LIPA: variants seen among roughly 807,000 people sequenced by gnomAD.
LIPA encodes the protein lipase A, lysosomal acid type.
In LIPA, 26 loss-of-function variants were observed where a neutral mutation model predicts 40.6. The observed-to-expected ratio is 0.64, with a 90% CI of 0.47 to 0.89. The LOEUF (loss-of-function observed/expected upper bound fraction) is 0.89, where lower values mean the gene tolerates loss of function less well. Among genes scored for constraint, LIPA ranks in the 40% least tolerant of loss-of-function variants. LIPA has a pLI of 0.00. For missense variants in LIPA, 455 were observed against 479.6 expected, an observed-to-expected ratio of 0.95 and a Z score of 0.48; for synonymous variants, 188 against 168.4, an observed-to-expected ratio of 1.12 and a Z score of -0.90.
intron 2 of LIPA, among the ~76,000 whole-genome samples, chr10:89,354,098 G>T (rs1178111254): frequency 6.6e-6 from 1 of 152,158 alleles, no homozygotes; most frequent in Non-Finnish European, 1.5e-5. Context: ...AAGGAGGCAA[G>T]AATTAAGGTT....
At chr10:89,389,202 G>A (rs1452658185) in intron 2 of LIPA, among the ~76,000 whole-genome samples, 1 of 152,104 alleles carries the variant, frequency 6.6e-6, no homozygotes, top group Non-Finnish European at 1.5e-5. Context: ...GAAATATCTA[G>A]AAACCTGACT....
upstream of LIPA, among the ~76,000 whole-genome samples, chr10:89,344,049 T>A (rs1843895415): frequency 6.6e-6 from 1 of 152,140 alleles, no homozygotes; most frequent in Admixed American, 6.5e-5. Context: ...TCACCTAACC[T>A]CTGTGACCCT....
intron 1 of LIPA, among the ~76,000 whole-genome samples, chr10:89,260,602 G>A (rs905439772): frequency 3.9e-5 from 6 of 152,188 alleles, no homozygotes; most frequent in Admixed American, 2.0e-4. Flanking sequence ...ACTTGGAGGT[G>A]CCGACACATT....
At chr10:89,252,209 C>A (rs994674450), upstream of LIPA, among the ~76,000 whole-genome samples, 1 of 152,128 alleles carries the variant, frequency 6.6e-6, no homozygotes, top group Non-Finnish European at 1.5e-5. Flanking sequence ...TATCATTGTG[C>A]CTGATGCAAA....
intron 1 of LIPA, among the ~76,000 whole-genome samples, chr10:89,330,260 C>A (rs953746202): frequency 2.0e-5 from 3 of 152,154 alleles, no homozygotes; most frequent in African/African-American, 7.2e-5. Flanking sequence ...GCTATTATTT[C>A]TATTATTAGC....
upstream of LIPA, among the ~76,000 whole-genome samples, chr10:89,253,059 A>G (rs1843153244): frequency 6.6e-6 from 1 of 152,162 alleles, no homozygotes; most frequent in Non-Finnish European, 1.5e-5. Context: ...TAGAACATGA[A>G]GTCCTAGAAG....
Position 89,403,534 on chromosome 10 carries a change from A to G in LIPA, c.61+9257T>C, listed in dbSNP as rs147620337. Reference sequence around the variant, plus strand: ...TCATTAACAAGGGATAAAAGTATCAATTCTTTGAAGAAATTGGTTTTAAGG... The same window carrying G: ...TCATTAACAAGGGATAAAAGTATCAGTTCTTTGAAGAAATTGGTTTTAAGG... On this transcript the variant is annotated intron_variant, in intron 2 of 8. Coordinates refer to the LIPA transcript ENST00000371837. 4.0e-5 allele frequency: 65 copies of G among 1,614,038 alleles called. No homozygotes were observed. In the East Asian group the frequency reaches 1.4e-3, roughly 35 times the overall value.
chr10:89,391,712 TAG>T (rs1289680497), intron 2 of LIPA, among the ~76,000 whole-genome samples: 4 of 151,938 alleles, frequency 2.6e-5, no homozygotes, highest in Non-Finnish European at 5.9e-5. Context: ...TGTATTTTAG[TAG>T]AGAGGGGGTT....
intron 2 of LIPA, among the ~76,000 whole-genome samples, chr10:89,350,933 A>G (rs1168833934): frequency 6.6e-6 from 1 of 151,784 alleles, no homozygotes; most frequent in Non-Finnish European, 1.5e-5. Flanking sequence ...CTTACATACA[A>G]CTGAGTTTTT....
chr10:89,265,045 G>C (rs1843228046), intron 1 of LIPA, among the ~76,000 whole-genome samples: 1 of 152,192 alleles, frequency 6.6e-6, no homozygotes, highest in South Asian at 2.1e-4. Context: ...CAGGGGGCTG[G>C]CATGTTGGTG....
intron 4 of LIPA, among the ~76,000 whole-genome samples, chr10:89,227,425 G>A (rs774990016): frequency 1.3e-4 from 20 of 152,164 alleles, no homozygotes; most frequent in African/African-American, 3.1e-4. Context: ...TACAAATAGC[G>A]TGACAATAAA....
intron 2 of LIPA, among the ~76,000 whole-genome samples, chr10:89,369,253 G>C (rs148401750): frequency 1.3e-5 from 2 of 152,178 alleles, no homozygotes; most frequent in Non-Finnish European, 2.9e-5. Context: ...TGGGGCCCCA[G>C]AATGTCTCTT....
At chr10:89,408,443 C>A (rs185289618) in intron 2 of LIPA, among the ~76,000 whole-genome samples, 1 of 152,320 alleles carries the variant, frequency 6.6e-6, no homozygotes, top group East Asian at 1.9e-4. Context: ...ATATCCTAGC[C>A]TTCCTATAGC....
intron 1 of LIPA, among the ~76,000 whole-genome samples, chr10:89,294,553 T>A (rs1481573204): frequency 6.6e-6 from 1 of 152,082 alleles, no homozygotes; most frequent in African/African-American, 2.4e-5. Context: ...CCCAAATACC[T>A]CCCATTAGGT....
intron 2 of LIPA, among the ~76,000 whole-genome samples, chr10:89,353,521 G>A (rs1392507624): frequency 6.6e-6 from 1 of 151,988 alleles, no homozygotes; most frequent in African/African-American, 2.4e-5. Context: ...CAAGTCAAAG[G>A]TTAAATGAAA....
In LIPA at chr10:89,214,654, G is replaced by T; in HGVS notation, c.*174C>A. ...GCCCTAATTAAAGAAAAAATAGCTA[G>T]TATGTTTCTAATTGAAACTAGAGTG... On this transcript the variant is annotated 3_prime_UTR_variant, in exon 10 of 10. Transcript: ENST00000336233. The T allele has an allele frequency of 1.7e-6, 1 of 590,974 alleles. No individual in the cohort carries two copies. The highest frequency in any genetic ancestry group is 3.0e-6 in the Non-Finnish European group (1 of 334,614). The allele number at this position is 590,974 out of a possible 1,614,324, so 36.6% of individuals were successfully genotyped here.
At chr10:89,324,098 T>A (rs571578119) in intron 1 of LIPA, among the ~76,000 whole-genome samples, 1 of 151,960 alleles carries the variant, frequency 6.6e-6, no homozygotes, top group South Asian at 2.1e-4. Context: ...TAGAACAGAA[T>A]AGAGAGCCCA....
chr10:89,393,492 G>A (rs1844288923), intron 2 of LIPA, among the ~76,000 whole-genome samples: 1 of 152,176 alleles, frequency 6.6e-6, no homozygotes, highest in Non-Finnish European at 1.5e-5. Context: ...CAGCACTTTG[G>A]GAGGCCAAGG....
intron 2 of LIPA, chr10:89,393,014 C>A: frequency 1.3e-6 from 1 of 779,386 alleles, no homozygotes; most frequent in Non-Finnish European, 1.9e-6. Context: ...AAAATGATCC[C>A]AATCTGAGAG....
Sources: gnomAD v4.1 joint callset for allele counts (sites outside exome capture counted in the v4.1 genomes callset) on GRCh38, gnomAD v4.1.1 for gene constraint, MANE v1.5 for transcripts, NCBI Gene and HGNC (gene_info 2026-07-23, HGNC 2026-07-21) for gene names.